Variants in TCF4 observed in about 807,000 individuals in gnomAD.
TCF4 encodes the protein transcription factor 4.
Under a neutral mutation model 82.1 loss-of-function variants are expected in TCF4, and 3 were observed. That is an observed-to-expected ratio of 0.04 (90% CI 0.02 to 0.09). TCF4 has a LOEUF of 0.09. Ranked by LOEUF, TCF4 falls within the 10% of genes least tolerant of loss-of-function variation. The pLI, the probability that TCF4 is intolerant of heterozygous loss-of-function variation, is 1.00. For missense variants in TCF4, 518 were observed against 852.7 expected (o/e 0.61, Z 4.89); for synonymous variants, 276 against 309.6 (o/e 0.89, Z 1.14).
intron 5 of TCF4, among the ~76,000 whole-genome samples, chr18:55,447,153 T>C (rs911605745): frequency 6.6e-6 from 1 of 151,294 alleles, no homozygotes; most frequent in African/African-American, 2.4e-5. Flanking sequence ...AAAATAAAAA[T>C]AGAAAAAATT....
intron 5 of TCF4, among the ~76,000 whole-genome samples, chr18:55,405,260 A>G (rs2094028427): frequency 6.6e-6 from 1 of 152,226 alleles, no homozygotes; most frequent in South Asian, 2.1e-4. Context: ...AAGCTCTTGC[A>G]TCTAAGAATG....
chr18:55,410,847 G>A (rs986136986), intron 5 of TCF4, among the ~76,000 whole-genome samples: 1 of 152,084 alleles, frequency 6.6e-6, no homozygotes, highest in African/African-American at 2.4e-5. Context: ...GAATCGATAA[G>A]CATTTTGAGT....
At chr18:55,605,265 A>G (rs1478099299) in intron 2 of TCF4, among the ~76,000 whole-genome samples, 2 of 152,198 alleles carry the variant, frequency 1.3e-5, no homozygotes, top group African/African-American at 4.8e-5. Context: ...GGGAAATAAC[A>G]GCGTATGTGT....
chr18:55,538,900 ATAT>A (rs2097141644), intron 3 of TCF4, among the ~76,000 whole-genome samples: 1 of 152,190 alleles, frequency 6.6e-6, no homozygotes. Context: ...TTCGTATTTA[ATAT>A]TACACTCAGA....
chr18:55,428,414 T>A (rs1055134733), intron 5 of TCF4, among the ~76,000 whole-genome samples: 1 of 152,190 alleles, frequency 6.6e-6, no homozygotes, highest in African/African-American at 2.4e-5. Flanking sequence ...GCTCTTCAAC[T>A]GCAGACTCTC....
chr18:55,249,947 G>T (rs1447414541), intron 15 of TCF4, among the ~76,000 whole-genome samples: 1 of 152,152 alleles, frequency 6.6e-6, no homozygotes, highest in East Asian at 1.9e-4. Flanking sequence ...GTAACAGAGA[G>T]AATTCTATCT....
chr18:55,540,313 C>CA (rs545339874), intron 3 of TCF4, among the ~76,000 whole-genome samples: 47 of 151,488 alleles, frequency 3.1e-4, no homozygotes, highest in African/African-American at 5.3e-4. Flanking sequence ...TATCTCAAAA[C>CA]AAAAAAAACA....
intron 8 of TCF4, among the ~76,000 whole-genome samples, chr18:55,315,636 T>A (rs2073944172): frequency 6.6e-6 from 1 of 152,048 alleles, no homozygotes; most frequent in African/African-American, 2.4e-5. Flanking sequence ...AAGAAAAAAA[T>A]TGTTTTGCTT....
intron 2 of TCF4, among the ~76,000 whole-genome samples, chr18:55,623,444 A>G (rs747507412): frequency 3.3e-5 from 5 of 152,222 alleles, no homozygotes; most frequent in Non-Finnish European, 7.3e-5. Flanking sequence ...ATGTTTGTAA[A>G]TAAGACACAT....
chr18:55,552,353 T>C (rs1038430816), intron 3 of TCF4, among the ~76,000 whole-genome samples: 10 of 152,230 alleles, frequency 6.6e-5, no homozygotes, highest in African/African-American at 2.4e-4. Context: ...TCTTGACATG[T>C]ATGACATGGG....
At chr18:55,610,824 T>A (rs1043457419) in intron 2 of TCF4, among the ~76,000 whole-genome samples, 1 of 152,190 alleles carries the variant, frequency 6.6e-6, no homozygotes, top group African/African-American at 2.4e-5. Context: ...AACAGCATTT[T>A]ACATGAGCTG....
Position 55,588,180 on chromosome 18 carries a change from A to C in TCF4, c.-163T>G. On this transcript the variant is annotated 5_prime_UTR_variant, in exon 1 of 20. Transcript: ENST00000354452. ...CCCCGCCGCCGCCGCCGCCGCCGCC[A>C]CTACAGATCCGCAGACACACAGCCA... The C allele has an allele frequency of 1.8e-6, 2 of 1,137,090 alleles. No homozygotes were observed. The highest frequency in any genetic ancestry group is 2.1e-6 in the Non-Finnish European group (2 of 933,044). 70.4% of individuals were successfully genotyped at this position (1,137,090 alleles called of 1,614,324 possible).
chr18:55,557,689 T>C (rs1309102253), intron 3 of TCF4, among the ~76,000 whole-genome samples: 1 of 152,124 alleles, frequency 6.6e-6, no homozygotes, highest in East Asian at 1.9e-4. Flanking sequence ...CAAAAAGTTA[T>C]CTATTTGGAA....
intron 8 of TCF4, among the ~76,000 whole-genome samples, chr18:55,317,191 C>A (rs1311481143): frequency 6.6e-6 from 1 of 151,874 alleles, no homozygotes; most frequent in Non-Finnish European, 1.5e-5. Flanking sequence ...AAAGTGCCAA[C>A]TATATTTAAA....
At chr18:55,350,267 C>A in intron 8 of TCF4, 92 bp downstream of exon 8, 1 of 1,331,694 alleles carries the variant, frequency 7.5e-7, no homozygotes, top group Non-Finnish European at 1.1e-6. Context: ...CTGCTCTGGG[C>A]GCATGGAAAC....
chr18:55,363,957 C>T (rs2086173046), intron 6 of TCF4, among the ~76,000 whole-genome samples: 1 of 151,970 alleles, frequency 6.6e-6, no homozygotes, highest in Admixed American at 6.6e-5. Flanking sequence ...ACTAAATAGA[C>T]TGGGGAAGAA....
At chr18:55,245,899 T>C (rs1363402622) in intron 15 of TCF4, among the ~76,000 whole-genome samples, 1 of 152,196 alleles carries the variant, frequency 6.6e-6, no homozygotes, top group Non-Finnish European at 1.5e-5. Context: ...CTTTTACACG[T>C]TTATGCATCC....
intron 8 of TCF4, among the ~76,000 whole-genome samples, chr18:55,304,823 G>C (rs1040062928): frequency 1.8e-4 from 27 of 152,310 alleles, no homozygotes; most frequent in East Asian, 1.7e-3. Flanking sequence ...TTTAAGAAGA[G>C]AGCATTTGTA....
At chr18:55,621,536 T>TATA (rs1568500478) in intron 2 of TCF4, among the ~76,000 whole-genome samples, 3 of 7,564 alleles carry the variant, frequency 4.0e-4, no homozygotes, top group African/African-American at 4.8e-4. Context: ...ATATAATATA[T>TATA]ATATTATATT....
Sources: allele counts gnomAD v4.1 joint callset (sites outside exome capture counted in the v4.1 genomes callset), GRCh38; gene constraint gnomAD v4.1.1; transcripts MANE v1.5; gene names NCBI Gene and HGNC (gene_info 2026-07-23, HGNC 2026-07-21).